Variants in NXPE2 observed in about 807,000 individuals in gnomAD.
NXPE2 encodes NXPE family member 2.
A neutral mutation model predicts 34.4 loss-of-function variants in NXPE2; 34 were observed. The ratio of observed to expected loss-of-function variants is 0.99; its 90% CI spans 0.75 to 1.31. NXPE2 has a LOEUF of 1.31. Ranked by LOEUF, NXPE2 falls within the 40% of genes most tolerant of loss-of-function variation. The probability of loss-of-function intolerance (pLI) is 0.00; values close to 1 mark genes in which losing one functional copy is unlikely to be tolerated. For missense variants in NXPE2, 649 were observed against 672.5 expected, an observed-to-expected ratio of 0.97 and a Z score of 0.39; for synonymous variants, 235 against 231.3, an observed-to-expected ratio of 1.02 and a Z score of -0.15.
the NXPE2 span, among the ~76,000 whole-genome samples, chr11:114,495,943 T>C: frequency 6.6e-6 from 1 of 152,134 alleles, no homozygotes; most frequent in South Asian, 2.1e-4. Context: ...GAAATAAGTC[T>C]CTCCTGGAGC....
the NXPE2 span, among the ~76,000 whole-genome samples, chr11:114,574,343 AAAAATAATGAAG>A: frequency 6.6e-6 from 1 of 152,210 alleles, no homozygotes. Context: ...TGGCAGAAAA[AAAAATAATGAAG>A]ATCAGAGCAG....
the NXPE2 span, chr11:114,550,969 T>TAG: frequency 3.4e-6 from 2 of 593,640 alleles, no homozygotes; most frequent in Non-Finnish European, 6.0e-6. Context: ...AGGAGTTAGG[T>TAG]AGAGAGAGAG....
At chr11:114,758,969 T>C in the NXPE2 span, among the ~76,000 whole-genome samples, 1 of 151,946 alleles carries the variant, frequency 6.6e-6, no homozygotes, top group African/African-American at 2.4e-5. Flanking sequence ...CCCCCAATTT[T>C]ACCCCAATTT....
At chr11:114,506,918 C>A in the NXPE2 span, among the ~76,000 whole-genome samples, 5 of 151,892 alleles carry the variant, frequency 3.3e-5, no homozygotes, top group Non-Finnish European at 5.9e-5. Flanking sequence ...CACAAAAAAA[C>A]CCTGCAAAAG....
At chr11:114,557,371 T>C in the NXPE2 span, among the ~76,000 whole-genome samples, 1 of 152,176 alleles carries the variant, frequency 6.6e-6, no homozygotes. Context: ...TATTAGGAAA[T>C]GAGGGACCTT....
chr11:114,536,975 A>C, the NXPE2 span, among the ~76,000 whole-genome samples: 1 of 152,236 alleles, frequency 6.6e-6, no homozygotes, highest in Middle Eastern at 3.4e-3. Context: ...GAGACACAAC[A>C]AAAAAAGAGA....
the NXPE2 span, among the ~76,000 whole-genome samples, chr11:114,735,110 AAAT>A: frequency 1.9e-4 from 28 of 151,242 alleles, no homozygotes; most frequent in East Asian, 1.9e-4. Flanking sequence ...ACTCTGTCTC[AAAT>A]AATAATAATA....
upstream of NXPE2, among the ~76,000 whole-genome samples, chr11:114,677,272 C>T (rs143892038): frequency 1.6e-4 from 25 of 152,034 alleles, no homozygotes; most frequent in East Asian, 1.9e-4. Context: ...AGATCTTAAG[C>T]GTTCTCACCA....
the NXPE2 span, among the ~76,000 whole-genome samples, chr11:114,800,532 T>G: frequency 6.6e-6 from 1 of 152,256 alleles, no homozygotes; most frequent in African/African-American, 2.4e-5. Flanking sequence ...CAGTGAAGTT[T>G]CTATCTAGCA....
chr11:114,467,394 C>T, the NXPE2 span, among the ~76,000 whole-genome samples: 6 of 152,226 alleles, frequency 3.9e-5, no homozygotes, highest in South Asian at 4.2e-4. Context: ...AGAAAAGGTC[C>T]GTTTTTAAGG....
chr11:114,810,979 G>T, the NXPE2 span, among the ~76,000 whole-genome samples: 8 of 151,906 alleles, frequency 5.3e-5, no homozygotes, highest in Admixed American at 1.3e-4. Context: ...ATGTGGCACA[G>T]ATACACCATG....
chr11:114,760,368 C>T, the NXPE2 span, among the ~76,000 whole-genome samples: 1 of 152,160 alleles, frequency 6.6e-6, no homozygotes, highest in Non-Finnish European at 1.5e-5. Flanking sequence ...GCTTCCAGAA[C>T]CGGGAGAAAT....
At chr11:114,512,350 C>T in the NXPE2 span, among the ~76,000 whole-genome samples, 2 of 152,110 alleles carry the variant, frequency 1.3e-5, no homozygotes, top group South Asian at 4.1e-4. Context: ...GCCATGTTGT[C>T]TTCTGTCAGT....
chr11:114,690,785 A>T (rs1374441982), intron 2 of NXPE2, among the ~76,000 whole-genome samples: 1 of 152,094 alleles, frequency 6.6e-6, no homozygotes, highest in East Asian at 1.9e-4. Flanking sequence ...GTTCATTTTT[A>T]AAAATTATTT....
the NXPE2 span, among the ~76,000 whole-genome samples, chr11:114,541,949 A>G: frequency 0.014 from 2,078 of 152,272 alleles, 51 homozygotes; most frequent in African/African-American, 0.048. Flanking sequence ...CCTTATCTCC[A>G]TTTACTAAGT....
At chr11:114,636,967 T>C in the NXPE2 span, among the ~76,000 whole-genome samples, 1 of 152,176 alleles carries the variant, frequency 6.6e-6, no homozygotes, top group Admixed American at 6.5e-5. Context: ...GTTCTGTAGA[T>C]GTCTATTAGG....
chr11:114,602,622 A>G, the NXPE2 span, among the ~76,000 whole-genome samples: 5 of 141,374 alleles, frequency 3.5e-5, no homozygotes, highest in Non-Finnish European at 7.5e-5. Flanking sequence ...TATCTCATAT[A>G]TAAATTATAG....
At chr11:114,525,737 T>G in the NXPE2 span, among the ~76,000 whole-genome samples, 62 of 152,322 alleles carry the variant, frequency 4.1e-4, no homozygotes, top group African/African-American at 1.3e-3. Context: ...TCTGTAAGCT[T>G]GCTTGCCCGC....
At chr11:114,553,427 A>G in the NXPE2 span, among the ~76,000 whole-genome samples, 1 of 152,162 alleles carries the variant, frequency 6.6e-6, no homozygotes, top group Admixed American at 6.5e-5. Flanking sequence ...TGATATTTCC[A>G]CTGATGCACT....
Sources: gnomAD v4.1 joint callset for allele counts (sites outside exome capture counted in the v4.1 genomes callset) on GRCh38, gnomAD v4.1.1 for gene constraint, MANE v1.5 for transcripts, NCBI Gene and HGNC (gene_info 2026-07-23, HGNC 2026-07-21) for gene names.